The following LRRC69 variants were observed in gnomAD, a reference collection of about 807,000 sequenced individuals.
The protein encoded by LRRC69 is leucine-rich repeat-containing protein 69.
LRRC69 carries 42 observed loss-of-function variants against 37.8 expected under a neutral mutation model. That is an observed-to-expected ratio of 1.11 (90% CI 0.87 to 1.44). LRRC69 has a LOEUF of 1.44. Ranked by LOEUF, LRRC69 falls within the 40% of genes most tolerant of loss-of-function variation. LRRC69 has a pLI of 0.00. For synonymous variants in LRRC69, 141 were observed against 143.1 expected (o/e 0.99, Z 0.11); for missense variants, 357 against 401.9 (o/e 0.89, Z 0.96).
intron 1 of LRRC69, among the ~76,000 whole-genome samples, chr8:91,120,547 T>C (rs951248976): frequency 1.3e-5 from 2 of 152,234 alleles, no homozygotes; most frequent in Non-Finnish European, 1.5e-5. Context: ...TGGGCTGTTA[T>C]GTCCTGGCAT....
At chr8:91,200,531 TTATC>T in intron 6 of LRRC69, 78 bp from the exon 7 acceptor site, 1 of 886,760 alleles carries the variant, frequency 1.1e-6, no homozygotes, top group Non-Finnish European at 1.6e-6. Context: ...GCCATACACT[TTATC>T]TAATGAAATG....
chr8:91,186,136 T>C (rs760179691), intron 5 of LRRC69, among the ~76,000 whole-genome samples: 8 of 152,198 alleles, frequency 5.3e-5, no homozygotes, highest in Non-Finnish European at 1.2e-4. Flanking sequence ...CGAATGTGTC[T>C]GGCGTTTCTG....
At chr8:91,189,121 G>A (rs749452498) in intron 5 of LRRC69, among the ~76,000 whole-genome samples, 40 of 152,098 alleles carry the variant, frequency 2.6e-4, no homozygotes, top group Admixed American at 7.9e-4. Context: ...GAGATCTAGA[G>A]GTTGGTGTAT....
At chr8:91,109,317 T>A (rs759641196) in intron 1 of LRRC69, among the ~76,000 whole-genome samples, 32 of 152,044 alleles carry the variant, frequency 2.1e-4, no homozygotes, top group Non-Finnish European at 4.3e-4. Context: ...AAAACTGATA[T>A]ACTCTATCTG....
At chr8:91,136,292 G>A (rs1300135466) in intron 5 of LRRC69, among the ~76,000 whole-genome samples, 1 of 151,832 alleles carries the variant, frequency 6.6e-6, no homozygotes, top group African/African-American at 2.4e-5. Flanking sequence ...AAACATTCAT[G>A]GTAATAATGA....
chr8:91,137,036 C>G (rs1216260951), intron 5 of LRRC69, among the ~76,000 whole-genome samples: 1 of 151,954 alleles, frequency 6.6e-6, no homozygotes, highest in African/African-American at 2.4e-5. Context: ...AATATTTGTT[C>G]TTTATCTGCT....
rs72666050 is a variant in LRRC69, at chr8:91,200,794, T to A, written c.933+2T>A. The A allele has an allele frequency of 0.016, 24,872 of 1,528,552 alleles. 261 individuals carry two copies. The highest frequency in any genetic ancestry group is 0.02 in the Middle Eastern group (117 of 5,946). The allele number at this position is 1,528,552 out of a possible 1,614,324, so 94.7% of individuals were successfully genotyped here. A position where few individuals can be genotyped will look rare whatever the true frequency, so the allele number is the denominator to read the frequency against. On this transcript the variant is annotated splice_donor_variant, in intron 7 of 7. Transcript: ENST00000448384. LOFTEE classifies it high-confidence loss of function. ...GTTCGATTTGTTCCTCCACCAAAGG[T>A]AAATGATGCTTTTTATGCGAATATG... is the stretch of plus-strand genomic sequence containing the variant.
chr8:91,212,056 C>T (rs182505458), intron 7 of LRRC69, among the ~76,000 whole-genome samples: 1 of 152,184 alleles, frequency 6.6e-6, no homozygotes, highest in Non-Finnish European at 1.5e-5. Flanking sequence ...TTTCTAAATG[C>T]TATAGTTCTG....
At chr8:91,110,414 G>A (rs1243578614) in intron 1 of LRRC69, among the ~76,000 whole-genome samples, 4 of 151,976 alleles carry the variant, frequency 2.6e-5, no homozygotes, top group African/African-American at 9.7e-5. Context: ...TGAGGTGGTG[G>A]GGATCACCTG....
intron 1 of LRRC69, among the ~76,000 whole-genome samples, chr8:91,122,521 A>G (rs1813644184): frequency 1.3e-5 from 2 of 152,026 alleles, no homozygotes; most frequent in Non-Finnish European, 2.9e-5. Flanking sequence ...AATATTCTGG[A>G]CACTTCTATT....
intron 6 of LRRC69, 116 bp downstream of exon 6, chr8:91,189,739 C>T (rs1453723585): frequency 5.0e-6 from 3 of 602,658 alleles, no homozygotes; most frequent in East Asian, 5.6e-5. Flanking sequence ...TAATCCTAGT[C>T]CATTGGCAAT....
chr8:91,125,640 A>G (rs555544566), intron 2 of LRRC69, among the ~76,000 whole-genome samples: 1 of 151,890 alleles, frequency 6.6e-6, no homozygotes, highest in East Asian at 1.9e-4. Context: ...TTTATGACCT[A>G]TACTGAGGGG....
intron 6 of LRRC69, among the ~76,000 whole-genome samples, chr8:91,194,447 G>C (rs1809558157): frequency 6.6e-6 from 1 of 151,932 alleles, no homozygotes; most frequent in Non-Finnish European, 1.5e-5. Context: ...TGTACCTCTG[G>C]TAGAATTCGG....
At chr8:91,211,826 A>G (rs1178060102) in intron 7 of LRRC69, among the ~76,000 whole-genome samples, 1 of 151,922 alleles carries the variant, frequency 6.6e-6, no homozygotes, top group East Asian at 1.9e-4. Flanking sequence ...GTTTACACTC[A>G]AAGGAGGGAG....
chr8:91,128,443 C>G (rs1036311207), intron 3 of LRRC69, among the ~76,000 whole-genome samples: 1 of 151,894 alleles, frequency 6.6e-6, no homozygotes, highest in Non-Finnish European at 1.5e-5. Flanking sequence ...GTGTATAGGT[C>G]TATTCTGTCT....
chr8:91,115,726 A>T (rs746584113), intron 1 of LRRC69, among the ~76,000 whole-genome samples: 1 of 151,800 alleles, frequency 6.6e-6, no homozygotes, highest in African/African-American at 2.4e-5. Context: ...CGATTTTCTA[A>T]ATTCAGTCAA....
At chr8:91,156,986 T>A (rs183797914) in intron 5 of LRRC69, among the ~76,000 whole-genome samples, 100 of 151,498 alleles carry the variant, frequency 6.6e-4, no homozygotes, top group African/African-American at 2.1e-3. Flanking sequence ...GTGTCTTTTT[T>A]AAACCAGTTC....
At chr8:91,155,721 G>A (rs569171533) in intron 5 of LRRC69, among the ~76,000 whole-genome samples, 1 of 150,728 alleles carries the variant, frequency 6.6e-6, no homozygotes, top group Non-Finnish European at 1.5e-5. Context: ...TCACACATGA[G>A]TGATAACATG....
At chr8:91,161,209 A>G (rs117700505) in intron 5 of LRRC69, among the ~76,000 whole-genome samples, 4,448 of 151,180 alleles carry the variant, frequency 0.029, 88 homozygotes, top group Middle Eastern at 0.045. Flanking sequence ...CTATTTTTTT[A>G]AGGTTTTTGC....
Sources: gnomAD v4.1 joint callset for allele counts (sites outside exome capture counted in the v4.1 genomes callset) on GRCh38, gnomAD v4.1.1 for gene constraint, MANE v1.5 for transcripts, NCBI Gene and HGNC (gene_info 2026-07-23, HGNC 2026-07-21) for gene names.